Variants in DLC1 observed in about 807,000 individuals in gnomAD.
The protein encoded by DLC1 is rho GTPase-activating protein 7.
A neutral mutation model predicts 140.3 loss-of-function variants in DLC1; 54 were observed. The observed-to-expected ratio is 0.38, with a 90% CI of 0.31 to 0.48. The LOEUF is 0.48. Ranked by LOEUF, DLC1 falls within the 20% of genes least tolerant of loss-of-function variation. The pLI is 0.96. For synonymous variants in DLC1, 986 were observed against 728.1 expected, an observed-to-expected ratio of 1.35 and a Z score of -5.70; for missense variants, 2,536 against 1,907.0, an observed-to-expected ratio of 1.33 and a Z score of -6.14.
intron 1 of DLC1, among the ~76,000 whole-genome samples, chr8:13,587,318 A>C (rs917128829): frequency 6.6e-6 from 1 of 151,998 alleles, no homozygotes; most frequent in Admixed American, 6.6e-5. Flanking sequence ...AAGAGATTAA[A>C]AACAGCTGGA....
At chr8:13,173,579 C>T (rs111494948) in intron 5 of DLC1, among the ~76,000 whole-genome samples, 20 of 152,260 alleles carry the variant, frequency 1.3e-4, no homozygotes, top group African/African-American at 4.6e-4. Context: ...ACTTTGGTGG[C>T]CAGAATGGCC....
chr8:13,416,951 T>G lies in DLC1; in HGVS notation c.1024-15332A>C, dbSNP rs1193353968. On this transcript the variant is annotated intron_variant, in intron 2 of 17. Transcript: ENST00000276297. ...ACATATTAAAATCTGTTATGTGCCT[T>G]TGTTAAAGTACTCGTATTGTGCTGG... Among the ~76,000 whole-genome samples, 7 of 152,164 alleles carry G rather than the reference T, an allele frequency of 4.6e-5. No individual in the cohort carries two copies. In the East Asian group the frequency reaches 1.3e-3, roughly 29 times the overall value.
At chr8:13,274,783 A>G (rs1445677413) in intron 5 of DLC1, among the ~76,000 whole-genome samples, 2 of 149,814 alleles carry the variant, frequency 1.3e-5, no homozygotes, top group East Asian at 2.0e-4. Flanking sequence ...ACAACAAGAT[A>G]TTTTTGCATT....
chr8:13,091,243 A>G (rs1585578531), intron 14 of DLC1, 75 bp downstream of exon 14: 1 of 1,460,358 alleles, frequency 6.8e-7, no homozygotes, highest in Non-Finnish European at 9.5e-7. Flanking sequence ...TAAGACATGA[A>G]CAAGGGTCAA....
chr8:13,091,235 A>T, intron 14 of DLC1, 83 bp downstream of exon 14: 3 of 1,340,616 alleles, frequency 2.2e-6, no homozygotes, highest in African/African-American at 2.9e-5. Flanking sequence ...TCTTCAGGTA[A>T]GACATGAACA....
chr8:13,323,853 TTC>T (rs1833226348), intron 4 of DLC1, among the ~76,000 whole-genome samples: 1 of 152,246 alleles, frequency 6.6e-6, no homozygotes, highest in African/African-American at 2.4e-5. Context: ...ATAAATATTT[TTC>T]TGATTCTAAA....
At position 13,099,982 on chromosome 8, in the gene DLC1, T is replaced by G. The variant is rs762178916; in HGVS notation, c.2355A>C (p.Ser785=). ...TCTGCTCCACCACGTTGTTAAATGTTGACTGATTGAAAGGATCGAAGCCCT... is the reference window on the plus strand; with the variant it reads ...TCTGCTCCACCACGTTGTTAAATGTGGACTGATTGAAAGGATCGAAGCCCT... The part of the protein sequence containing the change: ...YLEGFDPFNQ[S]TFNNVVEQNF... Residue 785 remains serine, a synonymous_variant, in exon 9 of 18, where the codon TCA becomes TCC. Coordinates refer to ENST00000276297, the MANE Select transcript of DLC1 (RefSeq NM_182643.3). 1 of 1,612,636 alleles carries G rather than the reference T, an allele frequency of 6.2e-7. No homozygotes were observed. The highest frequency in any genetic ancestry group is 1.3e-5 in the African/African-American group (1 of 75,050).
chr8:13,297,408 A>T (rs1832004665), intron 5 of DLC1, among the ~76,000 whole-genome samples: 1 of 151,822 alleles, frequency 6.6e-6, no homozygotes, highest in Admixed American at 6.6e-5. Flanking sequence ...TGGCTAGATA[A>T]AGAAAATTTT....
intron 2 of DLC1, among the ~76,000 whole-genome samples, chr8:13,494,166 T>A (rs999592939): frequency 4.6e-5 from 7 of 152,182 alleles, no homozygotes; most frequent in Non-Finnish European, 8.8e-5. Flanking sequence ...ACAGAACATA[T>A]ATGCAGCTTG....
chr8:13,133,275 C>A, intron 5 of DLC1: 1 of 1,321,834 alleles, frequency 7.6e-7, no homozygotes, highest in Non-Finnish European at 9.6e-7. Flanking sequence ...CTCGCTCGGG[C>A]AGTCGGAGCG....
intron 5 of DLC1, among the ~76,000 whole-genome samples, chr8:13,155,824 A>C (rs982043145): frequency 3.3e-5 from 5 of 152,218 alleles, no homozygotes; most frequent in African/African-American, 1.2e-4. Flanking sequence ...ACTTTAACTG[A>C]ATATATTCGC....
chr8:13,123,500 T>C (rs892061786), intron 5 of DLC1, among the ~76,000 whole-genome samples: 3 of 135,438 alleles, frequency 2.2e-5, no homozygotes, highest in African/African-American at 8.7e-5. Flanking sequence ...GCCACCACAA[T>C]GAGCTAATTT....
chr8:13,539,427 C>G (rs1988611), intron 1 of DLC1, among the ~76,000 whole-genome samples: 4 of 151,852 alleles, frequency 2.6e-5, no homozygotes, highest in Non-Finnish European at 5.9e-5. Context: ...GTCTCAATCT[C>G]CTGACCTCGT....
At chr8:13,208,439 A>C (rs1827775862) in intron 5 of DLC1, among the ~76,000 whole-genome samples, 1 of 152,162 alleles carries the variant, frequency 6.6e-6, no homozygotes, top group Non-Finnish European at 1.5e-5. Context: ...AATTTTTATT[A>C]TTTATCACTT....
At chr8:13,089,456 C>A (rs1345557576) in intron 15 of DLC1, among the ~76,000 whole-genome samples, 1 of 151,822 alleles carries the variant, frequency 6.6e-6, no homozygotes, top group Non-Finnish European at 1.5e-5. Flanking sequence ...GAAACCCCGT[C>A]TCTACTAAAA....
chr8:13,210,676 A>G (rs1177100702), intron 5 of DLC1, among the ~76,000 whole-genome samples: 1 of 152,194 alleles, frequency 6.6e-6, no homozygotes, highest in Non-Finnish European at 1.5e-5. Context: ...GTTGGTCCTC[A>G]TCGGTTATTT....
intron 1 of DLC1, among the ~76,000 whole-genome samples, chr8:13,551,075 C>CACACACACA (rs71207163): frequency 8.2e-6 from 1 of 121,718 alleles, no homozygotes; most frequent in African/African-American, 3.0e-5. Flanking sequence ...CACACACACA[C>CACACACACA]TTTTTTTTTT....
At chr8:13,375,235 G>T (rs1447387771) in intron 4 of DLC1, among the ~76,000 whole-genome samples, 1 of 151,974 alleles carries the variant, frequency 6.6e-6, no homozygotes, top group African/African-American at 2.4e-5. Flanking sequence ...CACTGTGTTA[G>T]CCAGGATGGT....
At chr8:13,588,474 T>C (rs903332978) in intron 1 of DLC1, among the ~76,000 whole-genome samples, 2 of 152,102 alleles carry the variant, frequency 1.3e-5, no homozygotes, top group Non-Finnish European at 2.9e-5. Flanking sequence ...AGCAGAATAT[T>C]ATCATTGCCA....
Sources: allele counts gnomAD v4.1 joint callset (sites outside exome capture counted in the v4.1 genomes callset), GRCh38; gene constraint gnomAD v4.1.1; transcripts MANE v1.5; gene names NCBI Gene and HGNC (gene_info 2026-07-23, HGNC 2026-07-21).